Variants in LRRC8D observed in about 807,000 individuals in gnomAD.
The protein encoded by LRRC8D is volume-regulated anion channel subunit LRRC8D.
LRRC8D carries 20 observed loss-of-function variants against 55.8 expected under a neutral mutation model. The observed-to-expected ratio is 0.36, with a 90% CI of 0.25 to 0.52. The LOEUF is 0.52. Ranked by LOEUF, LRRC8D falls within the 20% of genes least tolerant of loss-of-function variation. LRRC8D has a pLI of 0.93. For synonymous variants in LRRC8D, 352 were observed against 377.0 expected (o/e 0.93, Z 0.77); for missense variants, 651 against 1,030.8 (o/e 0.63, Z 5.05).
chr1:89,898,254 G>A lies in LRRC8D; in HGVS notation c.-2-34813G>A, dbSNP rs114679694. ...TATCAAATCTAAAAGCAATTCATGGGAGGATGGTGAAAAATGGAAAACCGC... is the reference window on the plus strand; with the variant it reads ...TATCAAATCTAAAAGCAATTCATGGAAGGATGGTGAAAAATGGAAAACCGC... On this transcript the variant is annotated intron_variant, in intron 2 of 2. Transcript: ENST00000337338. Among the ~76,000 whole-genome samples, 1,506 of 152,282 alleles carry A rather than the reference G, an allele frequency of 9.9e-3. 20 individuals carry two copies. Among genetic ancestry groups the A allele is most frequent in the African/African-American group, 0.035 (1,436 of 41,546 alleles).
chr1:89,854,031 A>T (rs751497231), intron 2 of LRRC8D, among the ~76,000 whole-genome samples: 52 of 152,330 alleles, frequency 3.4e-4, no homozygotes, highest in Non-Finnish European at 5.0e-4. Flanking sequence ...CAGAAAAGAT[A>T]GGGGGGCCAA....
chr1:89,826,089 G>A (rs1431465800), intron 1 of LRRC8D, among the ~76,000 whole-genome samples: 1 of 152,144 alleles, frequency 6.6e-6, no homozygotes, highest in Non-Finnish European at 1.5e-5. Context: ...GAAAAGAAGG[G>A]ATGCCTTTTG....
chr1:89,837,335 A>G (rs1234854820), intron 1 of LRRC8D, among the ~76,000 whole-genome samples: 1 of 152,166 alleles, frequency 6.6e-6, no homozygotes, highest in East Asian at 1.9e-4. Flanking sequence ...AAGTGGTTAC[A>G]TTCTTGCTAC....
intron 2 of LRRC8D, among the ~76,000 whole-genome samples, chr1:89,919,417 C>G (rs191491950): frequency 6.6e-6 from 1 of 152,148 alleles, no homozygotes; most frequent in Admixed American, 6.5e-5. Flanking sequence ...AAGAATGTGG[C>G]AACTTCCTGG....
chr1:89,853,284 T>C (rs146971656), intron 2 of LRRC8D, among the ~76,000 whole-genome samples: 1,583 of 152,322 alleles, frequency 0.01, 78 homozygotes, highest in Admixed American at 0.095. Flanking sequence ...ATAAGAAGTT[T>C]AGGGACAATT....
At chr1:89,841,374 AG>A (rs1346685096) in intron 1 of LRRC8D, among the ~76,000 whole-genome samples, 2 of 146,528 alleles carry the variant, frequency 1.4e-5, no homozygotes, top group Non-Finnish European at 3.0e-5. Flanking sequence ...CATCGTCTGG[AG>A]GCCTCAGTAT....
intron 2 of LRRC8D, among the ~76,000 whole-genome samples, chr1:89,901,453 A>G (rs1232702656): frequency 6.6e-6 from 1 of 152,200 alleles, no homozygotes; most frequent in Non-Finnish European, 1.5e-5. Flanking sequence ...TGAAATTGCT[A>G]ACCTTACTCT....
At chr1:89,922,769 A>G (rs1241097139) in intron 2 of LRRC8D, among the ~76,000 whole-genome samples, 1 of 152,254 alleles carries the variant, frequency 6.6e-6, no homozygotes, top group East Asian at 1.9e-4. Context: ...ATAGGCTACA[A>G]TCATATCTAC....
Position 89,822,442 on chromosome 1 carries a change from C to T in LRRC8D, c.-148+1151C>T, listed in dbSNP as rs140117930. On this transcript the variant is annotated intron_variant, in intron 1 of 2. Transcript: ENST00000337338. ...CGCAGATTTCCTGCTCTTGGATCTT[C>T]AAAAATATTTTTTTGTTGGACAAAG... 6.1e-3 allele frequency among the ~76,000 whole-genome samples: 934 copies of T among 152,242 alleles called. 4 individuals are homozygous for T. The highest frequency in any genetic ancestry group is 0.022 in the African/African-American group (895 of 41,518).
chr1:89,934,882 A>G lies in LRRC8D; in HGVS notation c.1814A>G (p.Asn605Ser). 1 of 1,614,150 alleles carries G rather than the reference A, an allele frequency of 6.2e-7. No individual in the cohort carries two copies. The highest frequency in any genetic ancestry group is 8.5e-7 in the Non-Finnish European group (1 of 1,180,016). The change falls in exon 3 of 3, where the codon AAC (asparagine) becomes AGC (serine). Residue 605 changes from asparagine (N) to serine (S), a missense_variant. Asn to Ser is a conservative substitution (Grantham distance 46, BLOSUM62 1). Around this residue, in one of 5 missense-constraint regions of LRRC8D, gnomAD observed 338 missense variants for 479.4 expected, o/e 0.71. Transcript: ENST00000337338. The surrounding 1 kb of genome is among the most constrained non-coding windows in gnomAD (Gnocchi z 5.9). ...VKSNLTKVPS[N>S]ITDVAPHLTK... is the part of the protein sequence containing the mutation. ...AGCAATTTGACCAAAGTTCCCTCCAACATTACAGATGTGGCTCCACATCTT... is the reference window on the plus strand; with the variant it reads ...AGCAATTTGACCAAAGTTCCCTCCAGCATTACAGATGTGGCTCCACATCTT...
At chr1:89,882,442 C>T (rs993821144) in intron 2 of LRRC8D, among the ~76,000 whole-genome samples, 1 of 152,062 alleles carries the variant, frequency 6.6e-6, no homozygotes, top group Non-Finnish European at 1.5e-5. Context: ...ATTATAATAC[C>T]TTTATATTTA....
chr1:89,904,500 GA>G (rs1279352488), intron 2 of LRRC8D, among the ~76,000 whole-genome samples: 1 of 152,176 alleles, frequency 6.6e-6, no homozygotes, highest in East Asian at 1.9e-4. Flanking sequence ...AGGACTGCAG[GA>G]ATACAGGAGG....
chr1:89,868,250 A>G (rs536730222), intron 2 of LRRC8D, among the ~76,000 whole-genome samples: 1 of 152,314 alleles, frequency 6.6e-6, no homozygotes, highest in African/African-American at 2.4e-5. Context: ...AGAAGATAGA[A>G]CCTTGAATGC....
chr1:89,872,889 C>T lies in LRRC8D; in HGVS notation c.-3+29107C>T, dbSNP rs113772401. ...AAGAAGTTGAACTCTTAATATTTTG[C>T]TTAATTTCCACATGTTTAGGATAGG... On this transcript the variant is annotated intron_variant, in intron 2 of 2. Coordinates refer to ENST00000337338, the MANE Select transcript of LRRC8D (RefSeq NM_001134479.2). Among the ~76,000 whole-genome samples the T allele has an allele frequency of 7.3e-3, 1,118 of 152,270 alleles. 12 individuals are homozygous for T. Among genetic ancestry groups the T allele is most frequent in the African/African-American group, 0.026 (1,079 of 41,536 alleles).
chr1:89,866,800 C>A (rs1317850448), intron 2 of LRRC8D, among the ~76,000 whole-genome samples: 2 of 152,052 alleles, frequency 1.3e-5, no homozygotes, highest in African/African-American at 4.8e-5. Context: ...AGAATACACA[C>A]CTGTTGAGGA....
intron 2 of LRRC8D, among the ~76,000 whole-genome samples, chr1:89,917,346 G>A (rs183808872): frequency 6.6e-6 from 1 of 152,126 alleles, no homozygotes; most frequent in African/African-American, 2.4e-5. Flanking sequence ...TGTATGCTAA[G>A]CCCAGAGTAA....
At position 89,911,645 on chromosome 1, in the gene LRRC8D, A is replaced by G. The variant is rs1663136025; in HGVS notation, c.-2-21422A>G. ...TGTACCAGCCTTTTGTTTCATCCCC[A>G]GCTGAGATTTGAGAGGTGAATATTC... On this transcript the variant is annotated intron_variant, in intron 2 of 2. Transcript: ENST00000337338. This position sits in a 1 kb window ranked among gnomAD's most constrained non-coding sequence, Gnocchi z 4.0. Among the ~76,000 whole-genome samples, 1 of 151,938 alleles carries G rather than the reference A, an allele frequency of 6.6e-6. No homozygotes were observed. The highest frequency in any genetic ancestry group is 2.4e-5 in the African/African-American group (1 of 41,334).
At chr1:89,858,126 G>A (rs1305377397) in intron 2 of LRRC8D, among the ~76,000 whole-genome samples, 2 of 152,182 alleles carry the variant, frequency 1.3e-5, no homozygotes, top group Admixed American at 6.5e-5. Flanking sequence ...CTAGTCAGGA[G>A]GCTGAGGCAG....
intron 2 of LRRC8D, among the ~76,000 whole-genome samples, chr1:89,915,049 GTGTGTGTA>G (rs1428421222): frequency 2.0e-5 from 3 of 150,972 alleles, no homozygotes; most frequent in African/African-American, 7.4e-5. Flanking sequence ...TGTGTGTGGT[GTGTGTGTA>G]TGTGTGTGGT....
Sources: gnomAD v4.1 joint callset for allele counts (sites outside exome capture counted in the v4.1 genomes callset) on GRCh38, gnomAD v4.1.1 for gene constraint, gnomAD v4.1.1 regional missense constraint, Gnocchi (gnomAD v3.1) non-coding constraint, MANE v1.5 for transcripts, NCBI Gene and HGNC (gene_info 2026-07-23, HGNC 2026-07-21) for gene names.